HECTD4: variants seen among roughly 807,000 people sequenced by gnomAD.
The protein encoded by HECTD4 is probable E3 ubiquitin-protein ligase HECTD4.
A neutral mutation model predicts 471.5 loss-of-function variants in HECTD4; 114 were observed. The ratio of observed to expected loss-of-function variants is 0.24; its 90% CI spans 0.21 to 0.28. The LOEUF is 0.28. HECTD4 is among the 10% of genes least tolerant of loss of function. The pLI, the probability that HECTD4 is intolerant of heterozygous loss-of-function variation, is 1.00. For missense variants in HECTD4, 3,866 were observed against 5,651.5 expected, an observed-to-expected ratio of 0.68 and a Z score of 10.13; for synonymous variants, 2,012 against 2,256.0, an observed-to-expected ratio of 0.89 and a Z score of 3.07.
intron 20 of HECTD4, among the ~76,000 whole-genome samples, chr12:112,257,748 T>C (rs2034052267): frequency 6.6e-6 from 1 of 152,244 alleles, no homozygotes; most frequent in South Asian, 2.1e-4. Context: ...TGATGGACGT[T>C]TATGTTGTTT....
intron 38 of HECTD4, 29 bp downstream of exon 38, chr12:112,232,975 G>A (rs765552460): frequency 4.5e-6 from 7 of 1,555,758 alleles, no homozygotes; most frequent in Non-Finnish European, 6.2e-6. Context: ...ACAATTTCGG[G>A]TTTCATCGTT....
chr12:112,382,317 AC>A lies in HECTD4; in HGVS notation c.-190del. The A allele has an allele frequency of 2.4e-6, 1 of 424,570 alleles. No homozygotes were observed. Among genetic ancestry groups the A allele is most frequent in the Non-Finnish European group, 3.7e-6 (1 of 272,790 alleles). 26.3% of individuals were successfully genotyped at this position (424,570 alleles called of 1,614,324 possible). A position where few individuals can be genotyped will look rare whatever the true frequency, so the allele number is the denominator to read the frequency against. ...CATACCCCCGACCCCGGCCCGGGAG[AC>A]CCCGGCCCTGCCGCCGCCGCCGCCG... On this transcript the variant is annotated 5_prime_UTR_variant, in exon 1 of 76. Coordinates refer to ENST00000682272, the MANE Select transcript of HECTD4 (RefSeq NM_001388303.1).
rs900982039 is a variant in HECTD4 at position 112,313,039 on chromosome 12, A to T, written c.894T>A (p.Thr298=). The change falls in exon 4 of 76, where the codon ACT becomes ACA. Residue 298 remains threonine, a synonymous_variant. Coordinates refer to ENST00000682272, the MANE Select transcript of HECTD4 (RefSeq NM_001388303.1). The stretch of plus-strand genomic sequence containing the variant: ...TACCTTTATTTTCAGAACTGGAGCC[A>T]GTGTTGCTATCCGGCGCAGGCAACA... The part of the protein sequence containing the change: ...EDMLPAPDSN[T]GSSSENKDAD... 1.7e-5 allele frequency: 26 copies of T among 1,535,758 alleles called. No individual in the cohort carries two copies. Among genetic ancestry groups the T allele is most frequent in the Non-Finnish European group, 2.0e-5 (23 of 1,146,672 alleles).
At chr12:112,247,611 T>A in intron 27 of HECTD4, 61 bp from the exon 28 acceptor site, 2 of 696,722 alleles carry the variant, frequency 2.9e-6, no homozygotes, top group Non-Finnish European at 4.5e-6. Context: ...ATACATATAT[T>A]AAAATGAACA....
chr12:112,168,857 G>C (rs768207367), intron 70 of HECTD4, among the ~76,000 whole-genome samples: 16 of 152,338 alleles, frequency 1.1e-4, no homozygotes, highest in Non-Finnish European at 2.4e-4. Flanking sequence ...CAGTGAACCA[G>C]AGTTGCTCTC....
intron 45 of HECTD4, 94 bp from the exon 46 acceptor site, chr12:112,217,289 A>C (rs2032945182): frequency 1.1e-6 from 1 of 888,786 alleles, no homozygotes; most frequent in Non-Finnish European, 1.6e-6. Context: ...GATGGTATTA[A>C]AATATAGGCA....
intron 1 of HECTD4, among the ~76,000 whole-genome samples, chr12:112,326,449 C>T (rs1286558550): frequency 6.6e-6 from 1 of 152,092 alleles, no homozygotes; most frequent in Non-Finnish European, 1.5e-5. Context: ...GCTATGATTG[C>T]ACCACTGCAT....
chr12:112,271,088 G>A (rs1325237514), intron 11 of HECTD4, among the ~76,000 whole-genome samples: 1 of 152,032 alleles, frequency 6.6e-6, no homozygotes, highest in Non-Finnish European at 1.5e-5. Context: ...CAAAAAAAAA[G>A]CTTTATCAAG....
intron 25 of HECTD4, among the ~76,000 whole-genome samples, chr12:112,248,727 C>T (rs1269352847): frequency 2.0e-5 from 3 of 152,110 alleles, no homozygotes; most frequent in Non-Finnish European, 4.4e-5. Flanking sequence ...ACTACAGGTG[C>T]ATGCTGCCAT....
In HECTD4 at chr12:112,228,355, T is replaced by A; in HGVS notation, c.6685-97A>T. 1.6e-6 allele frequency: 2 copies of A among 1,270,996 alleles called. No individual in the cohort carries two copies. Among genetic ancestry groups the A allele is most frequent in the Non-Finnish European group, 2.1e-6 (2 of 968,974 alleles). The allele number at this position is 1,270,996 out of a possible 1,614,324, so 78.7% of individuals were successfully genotyped here. A position where few individuals can be genotyped will look rare whatever the true frequency, so the allele number is the denominator to read the frequency against. ...TATTATCTGGAGTTAATTCTTAAAT[T>A]TTCAGTTAAAAAAATAAAATCACCA... On this transcript the variant is annotated intron_variant, in intron 42 of 75. Transcript: ENST00000682272. This position sits in a 1 kb window ranked among gnomAD's most constrained non-coding sequence, Gnocchi z 4.9.
At chr12:112,351,059 T>C (rs1013722740) in intron 1 of HECTD4, among the ~76,000 whole-genome samples, 3 of 152,178 alleles carry the variant, frequency 2.0e-5, no homozygotes, top group African/African-American at 7.2e-5. Context: ...GCCACCTCGT[T>C]TCATATTCTA....
At position 112,171,212 on chromosome 12, in the gene HECTD4, T is replaced by C. The variant is rs756614776; in HGVS notation, c.11837A>G (p.Asn3946Ser). Residue 3946 changes from asparagine to serine, a missense_variant, in exon 68 of 76, where the codon AAC (asparagine) becomes AGC (serine). Asn to Ser is a conservative substitution (Grantham distance 46). This residue lies in a region of HECTD4 where 715 missense variants were observed against 1,087.6 expected (regional missense o/e 0.66). Transcript: ENST00000682272. ...RLRFALLQSL[N>S]TTLETFFLPL... Reference sequence around the variant, plus strand: ...CAGGAAGAAGGTCTCCAGTGTGGTGTTGAGGGACTGCAGCAAGGCGAAGCG... The same window carrying C: ...CAGGAAGAAGGTCTCCAGTGTGGTGCTGAGGGACTGCAGCAAGGCGAAGCG... 3.1e-6 allele frequency: 5 copies of C among 1,612,756 alleles called. No individual in the cohort carries two copies. The South Asian group carries it at 3.3e-5, about 11-fold the overall frequency.
At chr12:112,232,898 T>C (rs1390368141) in intron 38 of HECTD4, 106 bp downstream of exon 38, 3 of 985,244 alleles carry the variant, frequency 3.0e-6, no homozygotes, top group Non-Finnish European at 3.0e-6. Flanking sequence ...TGCCTCTTCG[T>C]TGGAACTTGA....
intron 1 of HECTD4, among the ~76,000 whole-genome samples, chr12:112,326,248 T>A (rs2135710277): frequency 6.6e-6 from 1 of 152,230 alleles, no homozygotes; most frequent in Non-Finnish European, 1.5e-5. Flanking sequence ...ACGCCTGTAA[T>A]CCCAACACTT....
At chr12:112,318,619 C>T (rs2035531309) in intron 2 of HECTD4, among the ~76,000 whole-genome samples, 1 of 152,130 alleles carries the variant, frequency 6.6e-6, no homozygotes, top group East Asian at 1.9e-4. Context: ...AGTGATCTGC[C>T]CACCTCAGCC....
At position 112,184,532 on chromosome 12, in the gene HECTD4, G is replaced by A. The variant is rs1471580624; in HGVS notation, c.10434C>T (p.Thr3478=). Residue 3478 remains threonine (T), a synonymous_variant, in exon 61 of 76, where the codon ACC becomes ACT. Transcript: ENST00000682272. The surrounding 1 kb of genome is among the most constrained non-coding windows in gnomAD (Gnocchi z 9.1). ...CGGAGGCGCTGATGCTCATGGCGGG[G>A]GTCAGGCTGCTGGACGTGCTGACCT... The part of the protein sequence containing the change: ...SMEVSTSSSL[T]PAMSISASAS... 2.5e-6 allele frequency: 4 copies of A among 1,611,324 alleles called. No homozygotes were observed. Among genetic ancestry groups the A allele is most frequent in the Admixed American group, 3.3e-5 (2 of 59,918 alleles).
At chr12:112,230,620 G>T in intron 40 of HECTD4, 67 bp downstream of exon 40, 1 of 1,493,890 alleles carries the variant, frequency 6.7e-7, no homozygotes, top group East Asian at 2.5e-5. Flanking sequence ...GCCCCTTGCT[G>T]GGTATGATTC....
rs558182543 is a variant in HECTD4 at position 112,382,327 on chromosome 12, TGCCGCC to T, written c.-205_-200del. 4.7e-4 allele frequency: 168 copies of T among 355,826 alleles called. 1 individual carries two copies. The highest frequency in any genetic ancestry group is 1.7e-3 in the African/African-American group (74 of 42,596). The allele number at this position is 355,826 out of a possible 1,614,324, so 22.0% of individuals were successfully genotyped here. ...ACCCCGGCCCGGGAGACCCCGGCCC[TGCCGCC>T]GCCGCCGCCGCCGCCGCCGCCGCCG... On this transcript the variant is annotated 5_prime_UTR_variant, in exon 1 of 76. Coordinates refer to ENST00000682272, the MANE Select transcript of HECTD4 (RefSeq NM_001388303.1).
chr12:112,370,633 T>A (rs2036648118), intron 1 of HECTD4, among the ~76,000 whole-genome samples: 1 of 152,122 alleles, frequency 6.6e-6, no homozygotes, highest in South Asian at 2.1e-4. Flanking sequence ...TTTAAAATGG[T>A]CTTGAAGAAT....
Sources: allele counts gnomAD v4.1 joint callset (sites outside exome capture counted in the v4.1 genomes callset), GRCh38; gene constraint gnomAD v4.1.1; regional missense constraint gnomAD v4.1.1; non-coding constraint Gnocchi (gnomAD v3.1); transcripts MANE v1.5; gene names NCBI Gene and HGNC (gene_info 2026-07-23, HGNC 2026-07-21).